The following PDE4D variants were observed in gnomAD, a reference collection of about 807,000 sequenced individuals.
The protein encoded by PDE4D is phosphodiesterase 4D, also known as 3',5'-cyclic-AMP phosphodiesterase 4D.
PDE4D carries 24 observed loss-of-function variants against 87.4 expected under a neutral mutation model. That is an observed-to-expected ratio of 0.27 (90% CI 0.20 to 0.39). The LOEUF is 0.39. Among genes scored for constraint, PDE4D ranks in the 10% least tolerant of loss-of-function variants. The pLI, the probability that PDE4D is intolerant of heterozygous loss-of-function variation, is 1.00. For synonymous variants in PDE4D, 384 were observed against 383.2 expected (o/e 1.00, Z -0.02); for missense variants, 714 against 1,041.0 (o/e 0.69, Z 4.32).
At chr5:59,060,634 T>G (rs1420512162) in intron 5 of PDE4D, among the ~76,000 whole-genome samples, 3 of 152,054 alleles carry the variant, frequency 2.0e-5, no homozygotes, top group Non-Finnish European at 4.4e-5. Flanking sequence ...CACACCGAGG[T>G]AATAAGCATA....
intron 5 of PDE4D, among the ~76,000 whole-genome samples, chr5:59,138,765 C>G (rs1170078367): frequency 6.6e-6 from 1 of 152,110 alleles, no homozygotes; most frequent in East Asian, 1.9e-4. Flanking sequence ...AATGAGTGAG[C>G]CATTTTAGCT....
intron 1 of PDE4D, among the ~76,000 whole-genome samples, chr5:60,453,269 G>A (rs187688780): frequency 6.6e-5 from 10 of 152,134 alleles, no homozygotes; most frequent in African/African-American, 9.6e-5. Context: ...TTGTGTAGTC[G>A]CAAACCTGGG....
intron 2 of PDE4D, among the ~76,000 whole-genome samples, chr5:60,088,356 A>G (rs960160443): frequency 6.6e-6 from 1 of 151,862 alleles, no homozygotes; most frequent in African/African-American, 2.4e-5. Context: ...ACTATTAAAA[A>G]ACAGAAAAAT....
At chr5:59,460,453 T>C (rs957958503) in intron 1 of PDE4D, among the ~76,000 whole-genome samples, 1 of 152,150 alleles carries the variant, frequency 6.6e-6, no homozygotes, top group Non-Finnish European at 1.5e-5. Flanking sequence ...CACCAGATGA[T>C]GTCAAGATAT....
chr5:58,990,654 T>C (rs1462222260), intron 9 of PDE4D, 150 bp downstream of exon 9: 7 of 520,172 alleles, frequency 1.3e-5, no homozygotes, highest in South Asian at 9.7e-5. Context: ...GTATCTTTAC[T>C]TGTCCCTTGG....
At chr5:59,129,628 T>C (rs1202297436) in intron 5 of PDE4D, among the ~76,000 whole-genome samples, 2 of 152,222 alleles carry the variant, frequency 1.3e-5, no homozygotes, top group Admixed American at 6.5e-5. Flanking sequence ...ATAGTTACTT[T>C]TTCCCTATCC....
intron 5 of PDE4D, among the ~76,000 whole-genome samples, chr5:59,089,510 C>A (rs1768311074): frequency 6.6e-6 from 1 of 152,034 alleles, no homozygotes; most frequent in Non-Finnish European, 1.5e-5. Context: ...TATGTATCAA[C>A]TCATTGAATT....
intron 1 of PDE4D, among the ~76,000 whole-genome samples, chr5:59,770,694 A>G (rs1763346575): frequency 1.3e-5 from 2 of 152,212 alleles, no homozygotes; most frequent in Admixed American, 1.3e-4. Flanking sequence ...GATAAGTGAG[A>G]AAAACTAATA....
chr5:59,750,780 TAA>T (rs1361634656), intron 1 of PDE4D, among the ~76,000 whole-genome samples: 1 of 151,378 alleles, frequency 6.6e-6, no homozygotes, highest in Non-Finnish European at 1.5e-5. Context: ...CTACAAAAAA[TAA>T]AAAGTTATCT....
intron 1 of PDE4D, among the ~76,000 whole-genome samples, chr5:59,878,275 C>T (rs1466661536): frequency 6.6e-6 from 1 of 152,178 alleles, no homozygotes; most frequent in Non-Finnish European, 1.5e-5. Context: ...TTATGCTTCA[C>T]ATATTGACAC....
chr5:60,167,257 G>A (rs1025373607), intron 2 of PDE4D, among the ~76,000 whole-genome samples: 3 of 139,114 alleles, frequency 2.2e-5, no homozygotes, highest in South Asian at 2.2e-4. Context: ...TCCTTGAACT[G>A]TGTATTTTCT....
chr5:59,915,992 T>C (rs1396501022), intron 3 of PDE4D, among the ~76,000 whole-genome samples: 1 of 152,200 alleles, frequency 6.6e-6, no homozygotes, highest in African/African-American at 2.4e-5. Context: ...TCTGTTATTG[T>C]CTTTAATCTC....
chr5:60,337,544 T>C (rs990296239), intron 1 of PDE4D, among the ~76,000 whole-genome samples: 32 of 151,590 alleles, frequency 2.1e-4, no homozygotes, highest in African/African-American at 7.5e-4. Flanking sequence ...CACATGACTA[T>C]ATGCATCTGT....
chr5:59,153,486 C>T (rs115833237), intron 5 of PDE4D, among the ~76,000 whole-genome samples: 7,682 of 152,198 alleles, frequency 0.05, 260 homozygotes, highest in South Asian at 0.069. Context: ...TCCCTTCTGC[C>T]AAAGGGATTA....
At position 59,323,388 on chromosome 5, in the gene PDE4D, C is replaced by T. The variant is rs189814592; in HGVS notation, c.456-107420G>A. On this transcript the variant is annotated intron_variant, in intron 1 of 14. Transcript: ENST00000340635. Reference sequence around the variant, plus strand: ...ACTTATTGGTTAATATATCCCTTGGCATTTGAAAATGCTTTAAGGACTGGA... The same window carrying T: ...ACTTATTGGTTAATATATCCCTTGGTATTTGAAAATGCTTTAAGGACTGGA... Among the ~76,000 whole-genome samples, 528 of 152,156 alleles carry T rather than the reference C, an allele frequency of 3.5e-3. 2 individuals carry two copies. Among genetic ancestry groups the T allele is most frequent in the Admixed American group, 6.7e-3 (102 of 15,258 alleles).
chr5:60,318,826 G>C (rs1338504240), intron 1 of PDE4D, among the ~76,000 whole-genome samples: 1 of 152,070 alleles, frequency 6.6e-6, no homozygotes, highest in African/African-American at 2.4e-5. Context: ...ACTCTCTTCT[G>C]GCTTGTAGAG....
At chr5:59,725,752 G>A (rs1188609055) in intron 1 of PDE4D, among the ~76,000 whole-genome samples, 1 of 151,896 alleles carries the variant, frequency 6.6e-6, no homozygotes, top group Non-Finnish European at 1.5e-5. Context: ...GGGATCTCTT[G>A]GACTTAGGAA....
At chr5:60,029,167 G>A (rs528124507) in intron 2 of PDE4D, among the ~76,000 whole-genome samples, 1 of 152,246 alleles carries the variant, frequency 6.6e-6, no homozygotes, top group South Asian at 2.1e-4. Context: ...TGAAGTCAGG[G>A]CTTTTAGGGT....
At chr5:59,646,763 C>G (rs536646833) in intron 1 of PDE4D, among the ~76,000 whole-genome samples, 133 of 152,226 alleles carry the variant, frequency 8.7e-4, no homozygotes, top group Non-Finnish European at 8.2e-4. Context: ...AGGCCGGGTG[C>G]GGTAGCTCAC....
Sources: gnomAD v4.1 joint callset for allele counts (sites outside exome capture counted in the v4.1 genomes callset) on GRCh38, gnomAD v4.1.1 for gene constraint, MANE v1.5 for transcripts, NCBI Gene and HGNC (gene_info 2026-07-23, HGNC 2026-07-21) for gene names.